IFI27L1: variants seen among roughly 807,000 people sequenced by gnomAD.
IFI27L1 encodes the protein interferon alpha-inducible protein 27-like protein 1.
A neutral mutation model predicts 9.2 loss-of-function variants in IFI27L1; 3 were observed. The observed-to-expected ratio is 0.32, with a 90% CI of 0.15 to 0.84. The LOEUF is 0.84. IFI27L1 is among the 40% of genes least tolerant of loss of function. The pLI, the probability that IFI27L1 is intolerant of heterozygous loss-of-function variation, is 0.56. For synonymous variants in IFI27L1, 53 were observed against 50.0 expected (o/e 1.06, Z -0.26); for missense variants, 133 against 134.2 (o/e 0.99, Z 0.05).
At chr14:94,100,251 T>C (rs1483280919) in intron 2 of IFI27L1, 1 of 985,022 alleles carries the variant, frequency 1.0e-6, no homozygotes, top group African/African-American at 1.7e-5. Context: ...GATGGGAGGA[T>C]TGAGGCTGAT....
intron 1 of IFI27L1, among the ~76,000 whole-genome samples, chr14:94,085,713 G>T (rs1181208361): frequency 6.6e-6 from 1 of 152,014 alleles, no homozygotes; most frequent in Non-Finnish European, 1.5e-5. Flanking sequence ...TCAGTTCAAT[G>T]AATTGTAACA....
chr14:94,082,684 A>G (rs970012226), intron 1 of IFI27L1, among the ~76,000 whole-genome samples: 1 of 152,270 alleles, frequency 6.6e-6, no homozygotes, highest in African/African-American at 2.4e-5. Context: ...AAGTAGAACA[A>G]CAAAGCCTGG....
chr14:94,102,468 C>G lies in IFI27L1; in HGVS notation c.224-9C>G. On this transcript the variant is annotated splice_polypyrimidine_tract_variant and intron_variant, in intron 4 of 4. Transcript: ENST00000555523. ...CTGTGCCCTGTGCTCACCCTCTCTTCTCCCCCAGGGGCAGCTGGACTCTCT... is the reference window on the plus strand; with the variant it reads ...CTGTGCCCTGTGCTCACCCTCTCTTGTCCCCCAGGGGCAGCTGGACTCTCT... 6.4e-7 allele frequency: 1 copy of G among 1,559,914 alleles called. No homozygotes were observed. Among genetic ancestry groups the G allele is most frequent in the African/African-American group, 1.4e-5 (1 of 72,924 alleles).
At chr14:94,100,628 A>G (rs1886857644) in intron 2 of IFI27L1, 111 bp from the exon 3 acceptor site, 2 of 1,590,820 alleles carry the variant, frequency 1.3e-6, no homozygotes, top group Non-Finnish European at 1.7e-6. Context: ...GGGGCTTCAG[A>G]AGAGGGAAAG....
intron 1 of IFI27L1, among the ~76,000 whole-genome samples, chr14:94,082,017 G>A (rs140449483): frequency 6.6e-6 from 1 of 152,192 alleles, no homozygotes; most frequent in Non-Finnish European, 1.5e-5. Flanking sequence ...AGGCAAGATA[G>A]GCTGAAAGCT....
chr14:94,101,933 G>A lies in IFI27L1; in HGVS notation c.181G>A (p.Gly61Arg), dbSNP rs569783163. The A allele has an allele frequency of 4.0e-5, 64 of 1,614,254 alleles. No homozygotes were observed. In the East Asian group the frequency reaches 6.5e-4, roughly 16 times the overall value. Residue 61 changes from glycine to arginine, a missense_variant, in exon 4 of 5, where the codon GGA becomes AGA. Transcript: ENST00000555523. ...TACAGCAGCCATTGCCAACGGGGGC[G>A]GAGTTGCTGCTGGCAGTCTGGTGGC... ...MSTAAIANGG[G>R]VAAGSLVAIL... is the part of the protein sequence containing the mutation.
Position 94,090,233 on chromosome 14 carries a change from C to T in IFI27L1, c.-51-6654C>T, listed in dbSNP as rs180912299. 3.0e-4 allele frequency among the ~76,000 whole-genome samples: 46 copies of T among 152,142 alleles called. 1 individual carries two copies. Among genetic ancestry groups the T allele is most frequent in the African/African-American group, 4.8e-4 (20 of 41,504 alleles). On this transcript the variant is annotated intron_variant, in intron 1 of 4. Transcript: ENST00000555523. ...CTTCTGAGCTGCAGCCAGAGATCAC[C>T]GATTGGTTCACAGGAATAAGCAGGG...
intron 1 of IFI27L1, chr14:94,088,353 C>A (rs938987935): frequency 1.4e-6 from 1 of 702,130 alleles, no homozygotes; most frequent in African/African-American, 1.7e-5. Context: ...ACAGGTGTGG[C>A]AGTGGCTTCC....
At chr14:94,081,900 A>G in intron 1 of IFI27L1, among the ~76,000 whole-genome samples, 1 of 152,116 alleles carries the variant, frequency 6.6e-6, no homozygotes, top group East Asian at 1.9e-4. Flanking sequence ...TCAATTAATA[A>G]CCCTACAATG....
intron 2 of IFI27L1, chr14:94,097,507 C>T: frequency 1.6e-6 from 1 of 630,622 alleles, no homozygotes; most frequent in Non-Finnish European, 2.8e-6. Context: ...AGGCTTTTGG[C>T]CTGAGCTGCT....
intron 4 of IFI27L1, among the ~76,000 whole-genome samples, 195 bp from the exon 5 acceptor site, chr14:94,102,282 T>G (rs1012744118): frequency 3.5e-5 from 5 of 142,872 alleles, no homozygotes; most frequent in African/African-American, 5.0e-5. Flanking sequence ...AGTTCTTGCC[T>G]CCTCTTCGGG....
At chr14:94,099,562 T>A (rs1410622668) in intron 2 of IFI27L1, among the ~76,000 whole-genome samples, 1 of 152,094 alleles carries the variant, frequency 6.6e-6, no homozygotes, top group East Asian at 1.9e-4. Context: ...AGGAGGACCC[T>A]CCCTGAGAGG....
chr14:94,101,832 T>C lies in IFI27L1; in HGVS notation c.80T>C (p.Val27Ala). 1 of 1,614,250 alleles carries C rather than the reference T, an allele frequency of 6.2e-7. No individual in the cohort carries two copies. ...CCCGCAGTTGTGGCTGTGGGGACTGTGCTCGTGGCGCTCAGTGCCATGGGC... is the reference window on the plus strand; with the variant it reads ...CCCGCAGTTGTGGCTGTGGGGACTGCGCTCGTGGCGCTCAGTGCCATGGGC... ...VVGGVVAVGT[V>A]LVALSAMGFT... Residue 27 changes from valine (V) to alanine (A), a missense_variant, in exon 4 of 5, where the codon GTG becomes GCG. By Grantham distance (64) the Val-to-Ala change is moderately conservative. Coordinates refer to ENST00000555523, the MANE Select transcript of IFI27L1 (RefSeq NM_206949.3).
intron 3 of IFI27L1, chr14:94,101,391 G>T (rs745555750): frequency 2.9e-5 from 7 of 238,244 alleles, no homozygotes; most frequent in African/African-American, 6.8e-5. Flanking sequence ...ACCCCCGCGT[G>T]CTGCTGCAGG....
intron 1 of IFI27L1, chr14:94,088,101 G>T: frequency 1.6e-6 from 1 of 612,482 alleles, no homozygotes; most frequent in South Asian, 1.9e-5. Flanking sequence ...TATTCCCCTG[G>T]CTTCCCCATA....
intron 2 of IFI27L1, among the ~76,000 whole-genome samples, chr14:94,098,315 C>T (rs144868243): frequency 5.8e-4 from 88 of 152,304 alleles, no homozygotes; most frequent in African/African-American, 1.8e-3. Flanking sequence ...CAGTCTTCGA[C>T]GTCCTTGCCT....
intron 2 of IFI27L1, 185 bp from the exon 3 acceptor site, chr14:94,100,554 G>A: frequency 1.0e-6 from 1 of 985,460 alleles, no homozygotes; most frequent in South Asian, 4.7e-5. Context: ...TCCTGCAGAA[G>A]GTGCCACGTG....
At chr14:94,086,831 T>C (rs1886296779) in intron 1 of IFI27L1, among the ~76,000 whole-genome samples, 1 of 152,192 alleles carries the variant, frequency 6.6e-6, no homozygotes, top group Non-Finnish European at 1.5e-5. Flanking sequence ...GGTAAACCCA[T>C]TTCTGCTTCT....
intron 2 of IFI27L1, among the ~76,000 whole-genome samples, chr14:94,099,282 G>C (rs571091611): frequency 6.6e-6 from 1 of 152,202 alleles, no homozygotes; most frequent in Non-Finnish European, 1.5e-5. Flanking sequence ...TGTGGGGGCA[G>C]GGGTGGTGAG....
Sources: allele counts gnomAD v4.1 joint callset (sites outside exome capture counted in the v4.1 genomes callset), GRCh38; gene constraint gnomAD v4.1.1; transcripts MANE v1.5; gene names NCBI Gene and HGNC (gene_info 2026-07-23, HGNC 2026-07-21).